Variants in HIPK3 observed in about 807,000 individuals in gnomAD.
HIPK3 encodes homeodomain interacting protein kinase 3.
In HIPK3, 47 loss-of-function variants were observed where a neutral mutation model predicts 124.2. The observed-to-expected ratio is 0.38, with a 90% confidence interval of 0.30 to 0.48. The LOEUF (loss-of-function observed/expected upper bound fraction) is 0.48, where lower values mean the gene tolerates loss of function less well. Ranked by LOEUF, HIPK3 falls within the 20% of genes least tolerant of loss-of-function variation. The pLI, the probability that HIPK3 is intolerant of heterozygous loss-of-function variation, is 0.98. For synonymous variants in HIPK3, 482 were observed against 515.2 expected (o/e 0.94, Z 0.87); for missense variants, 1,286 against 1,454.3 (o/e 0.88, Z 1.88).
intron 5 of HIPK3, 131 bp from the exon 6 acceptor site, chr11:33,339,219 T>C: frequency 4.9e-6 from 3 of 615,208 alleles, no homozygotes; most frequent in Middle Eastern, 2.9e-4. Context: ...TTGTTCTTCT[T>C]TGTTTTAAGA....
chr11:33,330,239 A>G (rs780541009), intron 3 of HIPK3, among the ~76,000 whole-genome samples: 16 of 152,170 alleles, frequency 1.1e-4, no homozygotes, highest in Non-Finnish European at 1.8e-4. Context: ...TTCAGGATGT[A>G]TATTACCAAA....
chr11:33,350,491 A>AC (rs377081110), intron 14 of HIPK3, among the ~76,000 whole-genome samples: 23 of 149,844 alleles, frequency 1.5e-4, no homozygotes, highest in Non-Finnish European at 2.7e-4. Flanking sequence ...ACATAGTGAG[A>AC]CCCCGCCTCT....
chr11:33,277,060 T>C (rs960362295), intron 1 of HIPK3, among the ~76,000 whole-genome samples: 2 of 152,226 alleles, frequency 1.3e-5, no homozygotes, highest in African/African-American at 4.8e-5. Context: ...TCCTATTCTC[T>C]GATAGATTTT....
chr11:33,306,354 G>A (rs1852158653), intron 2 of HIPK3, among the ~76,000 whole-genome samples: 1 of 151,952 alleles, frequency 6.6e-6, no homozygotes. Flanking sequence ...AAAATACTTA[G>A]AAAAAATAAA....
At chr11:33,313,573 C>CT (rs1302236810) in intron 2 of HIPK3, among the ~76,000 whole-genome samples, 1 of 151,860 alleles carries the variant, frequency 6.6e-6, no homozygotes, top group Non-Finnish European at 1.5e-5. Context: ...TTTGGGGAAT[C>CT]TAGTTGAGGG....
chr11:33,290,069 G>A (rs1349589100), intron 2 of HIPK3, among the ~76,000 whole-genome samples: 1 of 152,066 alleles, frequency 6.6e-6, no homozygotes, highest in African/African-American at 2.4e-5. Context: ...GGACACTTAG[G>A]TTCATTCCAA....
intron 2 of HIPK3, among the ~76,000 whole-genome samples, chr11:33,289,058 T>G (rs961167088): frequency 6.6e-6 from 1 of 152,190 alleles, no homozygotes. Context: ...ATTAATTAAC[T>G]CTTACACAAA....
At chr11:33,258,367 G>C in intron 1 of HIPK3, 1 of 985,838 alleles carries the variant, frequency 1.0e-6, no homozygotes, top group Non-Finnish European at 1.2e-6. Flanking sequence ...CAGGCACGCA[G>C]CTTGAGCACC....
intron 3 of HIPK3, chr11:33,335,894 C>T (rs1299279688): frequency 6.6e-6 from 1 of 152,024 alleles, no homozygotes; most frequent in African/African-American, 2.4e-5. Flanking sequence ...CCTGTTTATC[C>T]CCCGTGTTTC....
intron 4 of HIPK3, among the ~76,000 whole-genome samples, chr11:33,338,289 A>G (rs1853218457): frequency 6.6e-6 from 1 of 152,146 alleles, no homozygotes. Flanking sequence ...GCTGGAGTGC[A>G]GTGGCGCGAT....
rs1853820284 is a variant in HIPK3 at position 33,356,507 on chromosome 11, TG to T, written c.*2940del. On this transcript the variant is annotated 3_prime_UTR_variant, in exon 17 of 17. Coordinates refer to ENST00000303296, the MANE Select transcript of HIPK3 (RefSeq NM_005734.5). ...TAAATCAAATATCCTGATATTTAGT[TG>T]TTTTTTTTTTCCTCCAGCGTGTTTA... is the stretch of plus-strand genomic sequence containing the variant. The T allele has an allele frequency of 6.6e-6, 1 of 152,016 alleles. No homozygotes were observed. The highest frequency in any genetic ancestry group is 1.5e-5 in the Non-Finnish European group (1 of 67,920). The allele number at this position is 152,016 out of a possible 1,614,324, so 9.4% of individuals were successfully genotyped here.
chr11:33,326,956 C>T (rs1237532576), intron 2 of HIPK3, among the ~76,000 whole-genome samples: 1 of 152,074 alleles, frequency 6.6e-6, no homozygotes, highest in East Asian at 1.9e-4. Context: ...GCTGGGATTA[C>T]AGGTGTGAGC....
rs775139853 is a variant in HIPK3, at chr11:33,348,759, C to T, written c.2607C>T (p.Val869=). 2.5e-6 allele frequency: 4 copies of T among 1,614,108 alleles called. No homozygotes were observed. The highest frequency in any genetic ancestry group is 2.5e-6 in the Non-Finnish European group (3 of 1,179,966). Residue 869 remains valine (V), a synonymous_variant, in exon 13 of 17, where the codon GTC becomes GTT. Transcript: ENST00000303296. ...ACTCCCCGAGTCCTGCAGTGAGTGT[C>T]ATCACTATCAGCAGTGACACTGATG... The part of the protein sequence containing the change: ...IADSPSPAVS[V]ITISSDTDEE...
intron 2 of HIPK3, among the ~76,000 whole-genome samples, chr11:33,302,038 A>C (rs1209564830): frequency 6.6e-6 from 1 of 152,162 alleles, no homozygotes; most frequent in Non-Finnish European, 1.5e-5. Flanking sequence ...AAGCAATACT[A>C]CTACTTTACC....
intron 1 of HIPK3, among the ~76,000 whole-genome samples, chr11:33,270,591 GA>G (rs1336665744): frequency 6.6e-6 from 1 of 152,056 alleles, no homozygotes; most frequent in Non-Finnish European, 1.5e-5. Flanking sequence ...AAAAAAATTG[GA>G]AAAAAAGCAG....
rs1319899018 is a variant in HIPK3, at chr11:33,285,290, TTGATTTGAAAATA to T, written c.-2-1110_-2-1098del. On this transcript the variant is annotated intron_variant, in intron 1 of 16. Transcript: ENST00000303296. ...CTGTTTTTCAAATATGATTTGAAATTTGATTTGAAAATATGATTTGAAAATTTCAAATATTTTC... is the reference window on the plus strand; with the variant it reads ...CTGTTTTTCAAATATGATTTGAAATTTGATTTGAAAATTTCAAATATTTTC... Among the ~76,000 whole-genome samples, 6 of 149,972 alleles carry T rather than the reference TTGATTTGAAAATA, an allele frequency of 4.0e-5. No homozygotes were observed. The East Asian group carries it at 1.2e-3, about 29-fold the overall frequency.
At chr11:33,272,385 T>G (rs1292910344) in intron 1 of HIPK3, among the ~76,000 whole-genome samples, 1 of 150,632 alleles carries the variant, frequency 6.6e-6, no homozygotes, top group African/African-American at 2.5e-5. Flanking sequence ...GGCGACAGAG[T>G]AAGACTCCGT....
intron 1 of HIPK3, among the ~76,000 whole-genome samples, chr11:33,258,907 T>G (rs1044136733): frequency 1.4e-4 from 22 of 151,912 alleles, no homozygotes; most frequent in African/African-American, 5.3e-4. Context: ...GGGGCTTCTA[T>G]TAGCAACAGC....
At chr11:33,259,864 C>G (rs943580870) in intron 1 of HIPK3, among the ~76,000 whole-genome samples, 25 of 142,576 alleles carry the variant, frequency 1.8e-4, no homozygotes, top group Non-Finnish European at 3.5e-4. Flanking sequence ...TAGATTAAAA[C>G]TGTTGTAAAA....
Sources: allele counts gnomAD v4.1 joint callset (sites outside exome capture counted in the v4.1 genomes callset), GRCh38; gene constraint gnomAD v4.1.1; transcripts MANE v1.5; gene names NCBI Gene and HGNC (gene_info 2026-07-23, HGNC 2026-07-21).